The following CDC42SE2 variants were observed in gnomAD, a reference collection of about 807,000 sequenced individuals.
CDC42SE2 encodes the protein CDC42 small effector protein 2.
A neutral mutation model predicts 11.5 loss-of-function variants in CDC42SE2; 3 were observed. That is an observed-to-expected ratio of 0.26 (90% CI 0.12 to 0.67). The LOEUF (loss-of-function observed/expected upper bound fraction) is 0.67, where lower values mean the gene tolerates loss of function less well. CDC42SE2 is among the 30% of genes least tolerant of loss of function. The probability of loss-of-function intolerance (pLI) is 0.80; values close to 1 mark genes in which losing one functional copy is unlikely to be tolerated. For missense variants in CDC42SE2, 82 were observed against 106.8 expected, an observed-to-expected ratio of 0.77 and a Z score of 1.02; for synonymous variants, 33 against 34.8, an observed-to-expected ratio of 0.95 and a Z score of 0.18.
intron 1 of CDC42SE2, among the ~76,000 whole-genome samples, chr5:131,290,486 G>GTTTTT (rs532593648): frequency 1.9e-5 from 2 of 103,116 alleles, no homozygotes; most frequent in African/African-American, 3.7e-5. Flanking sequence ...TTTTTTTTTT[G>GTTTTT]TTTTTTTTTT....
intron 3 of CDC42SE2, among the ~76,000 whole-genome samples, chr5:131,377,725 G>C (rs1041975737): frequency 1.3e-5 from 2 of 152,130 alleles, no homozygotes; most frequent in African/African-American, 2.4e-5. Context: ...AACTAAAACA[G>C]TGTTACCAGT....
intron 4 of CDC42SE2, among the ~76,000 whole-genome samples, chr5:131,387,510 C>G (rs1232080056): frequency 6.6e-6 from 1 of 152,096 alleles, no homozygotes. Context: ...TGAGATCATG[C>G]CTCTGAACTC....
At chr5:131,337,349 C>T (rs1351156268) in intron 2 of CDC42SE2, among the ~76,000 whole-genome samples, 1 of 152,144 alleles carries the variant, frequency 6.6e-6, no homozygotes, top group African/African-American at 2.4e-5. Flanking sequence ...AGAGGAGTAC[C>T]CGGCCACATG....
chr5:131,379,914 A>G (rs562060035), intron 3 of CDC42SE2, among the ~76,000 whole-genome samples: 4 of 151,824 alleles, frequency 2.6e-5, no homozygotes, highest in South Asian at 4.2e-4. Flanking sequence ...GCCCATGACT[A>G]TTCTTTTTTT....
chr5:131,301,069 A>G (rs1378038163), intron 1 of CDC42SE2, among the ~76,000 whole-genome samples: 1 of 152,210 alleles, frequency 6.6e-6, no homozygotes, highest in Non-Finnish European at 1.5e-5. Flanking sequence ...CAGAATTGGA[A>G]ACTATATTTA....
intron 4 of CDC42SE2, among the ~76,000 whole-genome samples, chr5:131,386,771 TA>T (rs1750499902): frequency 6.6e-6 from 1 of 152,222 alleles, no homozygotes; most frequent in Non-Finnish European, 1.5e-5. Context: ...TAAACAAGTA[TA>T]AATGATCCCT....
intron 4 of CDC42SE2, among the ~76,000 whole-genome samples, chr5:131,388,277 G>A (rs1413968494): frequency 6.6e-6 from 1 of 152,158 alleles, no homozygotes; most frequent in Non-Finnish European, 1.5e-5. Flanking sequence ...TTACAGCCAT[G>A]AGCCACCACG....
intron 2 of CDC42SE2, among the ~76,000 whole-genome samples, chr5:131,341,162 C>G (rs1233152362): frequency 6.6e-6 from 1 of 152,082 alleles, no homozygotes; most frequent in Non-Finnish European, 1.5e-5. Context: ...CTATTATTTT[C>G]CTGGACAACA....
At chr5:131,372,840 G>A (rs1387524762) in intron 3 of CDC42SE2, among the ~76,000 whole-genome samples, 1 of 152,148 alleles carries the variant, frequency 6.6e-6, no homozygotes, top group Non-Finnish European at 1.5e-5. Flanking sequence ...TGTCTCATAG[G>A]ATTCAAGATA....
chr5:131,377,698 G>C (rs568570334), intron 3 of CDC42SE2, among the ~76,000 whole-genome samples: 4 of 152,086 alleles, frequency 2.6e-5, no homozygotes, highest in Non-Finnish European at 5.9e-5. Flanking sequence ...TGCTTTACAG[G>C]TTCTACCCAA....
intron 3 of CDC42SE2, among the ~76,000 whole-genome samples, chr5:131,366,094 A>C (rs1749848009): frequency 6.6e-6 from 1 of 152,244 alleles, no homozygotes; most frequent in South Asian, 2.1e-4. Context: ...AAACCTAGAA[A>C]TTCTAAAGAC....
chr5:131,384,986 C>T (rs1046932319), intron 3 of CDC42SE2, among the ~76,000 whole-genome samples: 3 of 151,790 alleles, frequency 2.0e-5, no homozygotes, highest in South Asian at 2.1e-4. Flanking sequence ...GTTTAGTTCC[C>T]AGCTAGAACA....
At chr5:131,372,576 TG>T (rs1305274650) in intron 3 of CDC42SE2, among the ~76,000 whole-genome samples, 1 of 152,030 alleles carries the variant, frequency 6.6e-6, no homozygotes, top group Admixed American at 6.6e-5. Context: ...TAGCTGGGTG[TG>T]GTGGCACGCA....
chr5:131,212,830 A>AAAC, the CDC42SE2 span, among the ~76,000 whole-genome samples: 1 of 152,216 alleles, frequency 6.6e-6, no homozygotes, highest in Non-Finnish European at 1.5e-5. Context: ...CTTGCTGATC[A>AAAC]AACAAGGGAC....
At chr5:131,239,348 T>G in the CDC42SE2 span, among the ~76,000 whole-genome samples, 3 of 151,044 alleles carry the variant, frequency 2.0e-5, no homozygotes, top group East Asian at 5.8e-4. Flanking sequence ...AAGATGGGAG[T>G]ATCACTTGAG....
intron 1 of CDC42SE2, among the ~76,000 whole-genome samples, chr5:131,277,637 A>G (rs1190564333): frequency 1.3e-5 from 2 of 152,200 alleles, no homozygotes; most frequent in African/African-American, 4.8e-5. Flanking sequence ...TTTCTCAAAC[A>G]TGCCATTCTT....
the CDC42SE2 span, among the ~76,000 whole-genome samples, chr5:131,229,535 A>G: frequency 6.6e-6 from 1 of 152,154 alleles, no homozygotes; most frequent in Non-Finnish European, 1.5e-5. Flanking sequence ...GACTATGGGC[A>G]GGTGCCAATG....
chr5:131,335,484 G>C (rs189251911), intron 2 of CDC42SE2, among the ~76,000 whole-genome samples: 58 of 151,970 alleles, frequency 3.8e-4, no homozygotes, highest in African/African-American at 6.0e-4. Flanking sequence ...CTATTAGGTC[G>C]GCTTGGTGCA....
intron 2 of CDC42SE2, among the ~76,000 whole-genome samples, chr5:131,331,641 A>G (rs1758421227): frequency 6.6e-6 from 1 of 152,132 alleles, no homozygotes; most frequent in Non-Finnish European, 1.5e-5. Context: ...GAAATTTTCT[A>G]TCTGTGATTT....
Sources: allele counts gnomAD v4.1 joint callset (sites outside exome capture counted in the v4.1 genomes callset), GRCh38; gene constraint gnomAD v4.1.1; transcripts MANE v1.5; gene names NCBI Gene and HGNC (gene_info 2026-07-23, HGNC 2026-07-21).